Variants in PITPNM2 observed in about 807,000 individuals in gnomAD.
PITPNM2 encodes the protein membrane-associated phosphatidylinositol transfer protein 2.
A neutral mutation model predicts 132.2 loss-of-function variants in PITPNM2; 35 were observed. The observed-to-expected ratio is 0.26, with a 90% CI of 0.20 to 0.35. The LOEUF (loss-of-function observed/expected upper bound fraction) is 0.35, where lower values mean the gene tolerates loss of function less well. PITPNM2 is among the 10% of genes least tolerant of loss of function. PITPNM2 has a pLI of 1.00. For synonymous variants in PITPNM2, 738 were observed against 799.2 expected, an observed-to-expected ratio of 0.92 and a Z score of 1.29; for missense variants, 1,332 against 1,912.0, an observed-to-expected ratio of 0.70 and a Z score of 5.66.
intron 18 of PITPNM2, 52 bp downstream of exon 18, chr12:122,989,735 G>A: frequency 1.5e-6 from 2 of 1,338,046 alleles, no homozygotes; most frequent in African/African-American, 1.5e-5. Context: ...GCAGTGAGGG[G>A]TGCTCAGCAG....
intron 2 of PITPNM2, among the ~76,000 whole-genome samples, chr12:123,068,123 A>C (rs1293053830): frequency 6.6e-6 from 1 of 152,162 alleles, no homozygotes; most frequent in African/African-American, 2.4e-5. Context: ...GTACCTGAAC[A>C]GCTTTTTCTA....
chr12:123,006,307 T>C (rs2038933225), intron 6 of PITPNM2, among the ~76,000 whole-genome samples: 2 of 152,120 alleles, frequency 1.3e-5, no homozygotes, highest in South Asian at 4.1e-4. Flanking sequence ...AAAAAGCTTT[T>C]AGTAGAATAT....
In PITPNM2 at chr12:123,001,589, C is replaced by T. The variant is rs150174274; in HGVS notation, c.1049-431G>A. ...ATGTGGTCTTGTGTCTGGCTTCTTG[C>T]ACTCAGCATAGGGTTTCTGGGGCTC... On this transcript the variant is annotated intron_variant, in intron 8 of 25. Transcript: ENST00000320201. Among the ~76,000 whole-genome samples, 5 of 152,346 alleles carry T rather than the reference C, an allele frequency of 3.3e-5. No individual in the cohort carries two copies. In the East Asian group the frequency reaches 9.6e-4, roughly 29 times the overall value.
rs1030899156 is a variant in PITPNM2 at position 123,005,353 on chromosome 12, G to T, written c.839C>A (p.Thr280Asn). The change falls in exon 7 of 26, where the codon ACC becomes AAC. Residue 280 changes from threonine (T) to asparagine (N), a missense_variant. Physicochemically the swap from Thr to Asn is moderately conservative, Grantham distance 65. Transcript: ENST00000320201. This position sits in a 1 kb window ranked among gnomAD's most constrained non-coding sequence, Gnocchi z 6.2. The part of the protein sequence containing the change: ...LVKHEAVSDQ[T>N]SGEPPEPSSS... ...GCTGGGCTCCGGGGGCTCCCCAGAG[G>T]TCTGGTCCGAGACGGCTTCGTGCTT... 6 of 1,614,140 alleles carry T rather than the reference G, an allele frequency of 3.7e-6. No homozygotes were observed. The highest frequency in any genetic ancestry group is 5.1e-6 in the Non-Finnish European group (6 of 1,180,032).
chr12:123,078,008 G>A lies in PITPNM2; in HGVS notation c.-96+32377C>T, dbSNP rs1234971558. The stretch of plus-strand genomic sequence containing the variant: ...AGACAGAGGACACTGAGGAGCACGC[G>A]TGTCCCCAGGATGGGTGGACGGAGG... On this transcript the variant is annotated intron_variant, in intron 2 of 25. Coordinates refer to ENST00000320201, the MANE Select transcript of PITPNM2 (RefSeq NM_020845.3). This position sits in a 1 kb window ranked among gnomAD's most constrained non-coding sequence, Gnocchi z 7.3. 1.3e-5 allele frequency among the ~76,000 whole-genome samples: 2 copies of A among 152,020 alleles called. No homozygotes were observed. The highest frequency in any genetic ancestry group is 6.6e-5 in the Admixed American group (1 of 15,262).
At chr12:123,141,582 A>G (rs2043507260) in intron 1 of PITPNM2, among the ~76,000 whole-genome samples, 1 of 152,184 alleles carries the variant, frequency 6.6e-6, no homozygotes, top group Admixed American at 6.5e-5. Flanking sequence ...AGGGAAGAGC[A>G]GCCGTCTCCT....
chr12:123,132,019 G>A (rs1467998701), intron 1 of PITPNM2, among the ~76,000 whole-genome samples: 2 of 152,260 alleles, frequency 1.3e-5, no homozygotes, highest in Non-Finnish European at 2.9e-5. Context: ...CATGAGGCCT[G>A]TTGGGTTCTC....
Position 123,099,246 on chromosome 12 carries a change from T to A in PITPNM2, c.-96+11139A>T, listed in dbSNP as rs367911617. Among the ~76,000 whole-genome samples the A allele has an allele frequency of 5.9e-5, 9 of 151,540 alleles. No homozygotes were observed. The highest frequency in any genetic ancestry group is 2.1e-4 in the South Asian group (1 of 4,784). On this transcript the variant is annotated intron_variant, in intron 2 of 25. Coordinates refer to ENST00000320201, the MANE Select transcript of PITPNM2 (RefSeq NM_020845.3). The surrounding 1 kb of genome is among the most constrained non-coding windows in gnomAD (Gnocchi z 4.2). ...CTGTCGATTTTGCTGAAAAAAAAAA[T>A]ATATATCTTTTTTTTTAAAGAATGA...
intron 2 of PITPNM2, among the ~76,000 whole-genome samples, chr12:123,056,310 C>T (rs995536321): frequency 5.3e-5 from 8 of 152,324 alleles, no homozygotes; most frequent in South Asian, 2.1e-4. Context: ...AGAACTTAGC[C>T]GGAGCTTTCA....
Position 122,989,957 on chromosome 12 carries a change from C to A in PITPNM2, c.2570-9G>T. ...GAGCGCATCGGGGGCCTCTGAGAAG[C>A]AAGAGCAATGGATGGCTCAGCCACG... On this transcript the variant is annotated splice_polypyrimidine_tract_variant and intron_variant, in intron 17 of 25. Transcript: ENST00000320201. 7.7e-7 allele frequency: 1 copy of A among 1,300,588 alleles called. No homozygotes were observed. The highest frequency in any genetic ancestry group is 2.6e-5 in the South Asian group (1 of 38,080). The allele number at this position is 1,300,588 out of a possible 1,614,324, so 80.6% of individuals were successfully genotyped here.
At position 122,996,740 on chromosome 12, in the gene PITPNM2, C is replaced by A; in HGVS notation, c.1643G>T (p.Gly548Val). The change falls in exon 12 of 26, where the codon GGC (glycine) becomes GTC (valine). Residue 548 changes from glycine to valine, a missense_variant. By Grantham distance (109) the Gly-to-Val change is moderately radical. This residue lies in a region of PITPNM2 where 710 missense variants were observed against 911.5 expected (regional missense o/e 0.78). Coordinates refer to ENST00000320201, the MANE Select transcript of PITPNM2 (RefSeq NM_020845.3). ...AYGDFIKSQEGMTFNGQVCLI... is the reference protein window; with the variant it reads ...AYGDFIKSQEVMTFNGQVCLI... ...ACTCACCTGCCCATTGAAGGTCATG[C>A]CCTCCTGGGACTTGATGAAGTCCCC... The A allele has an allele frequency of 6.2e-7, 1 of 1,611,586 alleles. No individual in the cohort carries two copies. Among genetic ancestry groups the A allele is most frequent in the African/African-American group, 1.3e-5 (1 of 74,958 alleles).
chr12:122,998,106 G>A (rs148619691), intron 10 of PITPNM2, among the ~76,000 whole-genome samples: 125 of 152,254 alleles, frequency 8.2e-4, no homozygotes, highest in Middle Eastern at 3.4e-3. Context: ...CTGAGTGGGC[G>A]GCAACCCCAG....
chr12:123,038,202 T>C (rs1016928847), intron 2 of PITPNM2, among the ~76,000 whole-genome samples: 11 of 152,176 alleles, frequency 7.2e-5, no homozygotes, highest in African/African-American at 2.7e-4. Flanking sequence ...TAAAGAGCTG[T>C]AGAGGTAAGT....
At position 122,989,748 on chromosome 12, in the gene PITPNM2, G is replaced by A; in HGVS notation, c.2731+39C>T. Reference sequence around the variant, plus strand: ...TGGCAGTGAGGGGTGCTCAGCAGCAGAGTGACCCCCAGTGAGGGGAAAGTG... The same window carrying A: ...TGGCAGTGAGGGGTGCTCAGCAGCAAAGTGACCCCCAGTGAGGGGAAAGTG... On this transcript the variant is annotated intron_variant, in intron 18 of 25. Transcript: ENST00000320201. The A allele has an allele frequency of 3.7e-6, 5 of 1,356,206 alleles. 1 individual carries two copies. Among genetic ancestry groups the A allele is most frequent in the Non-Finnish European group, 2.9e-6 (3 of 1,047,330 alleles). 84.0% of individuals were successfully genotyped at this position (1,356,206 alleles called of 1,614,324 possible).
At chr12:123,069,058 GCCT>G (rs879724267) in intron 2 of PITPNM2, among the ~76,000 whole-genome samples, 3 of 152,060 alleles carry the variant, frequency 2.0e-5, no homozygotes, top group Admixed American at 6.6e-5. Flanking sequence ...TTTGAGACTA[GCCT>G]GGGCAATATG....
chr12:122,995,580 A>G lies in PITPNM2; in HGVS notation c.1863T>C (p.Gly621=). The change falls in exon 14 of 26, where the codon GGT becomes GGC. Residue 621 remains glycine (G), a synonymous_variant. Coordinates refer to ENST00000320201, the MANE Select transcript of PITPNM2 (RefSeq NM_020845.3). ...TACTGCCACCACCACCACTGCTGCCACCACCGCCACCGCCGCCACCGCCAC... is the reference window on the plus strand; with the variant it reads ...TACTGCCACCACCACCACTGCTGCCGCCACCGCCACCGCCGCCACCGCCAC... ...CGGGGGGGGG[G]GSSGGGGSSG... 1 of 1,580,380 alleles carries G rather than the reference A, an allele frequency of 6.3e-7. No individual in the cohort carries two copies.
intron 1 of PITPNM2, among the ~76,000 whole-genome samples, chr12:123,142,101 C>T (rs1001214189): frequency 2.6e-5 from 4 of 152,138 alleles, no homozygotes; most frequent in African/African-American, 4.8e-5. Context: ...CAAATTGCAC[C>T]GGTCAGCAGT....
At chr12:123,055,170 G>A (rs1023028908) in intron 2 of PITPNM2, among the ~76,000 whole-genome samples, 3 of 152,216 alleles carry the variant, frequency 2.0e-5, no homozygotes, top group Non-Finnish European at 4.4e-5. Context: ...TTGTATGATG[G>A]TTCTGAAGTC....
At chr12:123,094,551 C>T (rs1038795931) in intron 2 of PITPNM2, among the ~76,000 whole-genome samples, 5 of 152,230 alleles carry the variant, frequency 3.3e-5, no homozygotes, top group African/African-American at 1.2e-4. Context: ...GGGACGTTAC[C>T]CAAATAGCTG....
Sources: gnomAD v4.1 joint callset for allele counts (sites outside exome capture counted in the v4.1 genomes callset) on GRCh38, gnomAD v4.1.1 for gene constraint, gnomAD v4.1.1 regional missense constraint, Gnocchi (gnomAD v3.1) non-coding constraint, MANE v1.5 for transcripts, NCBI Gene and HGNC (gene_info 2026-07-23, HGNC 2026-07-21) for gene names.